Variants in HYDIN observed in about 807,000 individuals in gnomAD.
HYDIN encodes the protein HYDIN axonemal central pair apparatus protein.
In HYDIN, 132 loss-of-function variants were observed where a neutral mutation model predicts 403.9. That is an observed-to-expected ratio of 0.33 (90% CI 0.28 to 0.38). The LOEUF is 0.38. Ranked by LOEUF, HYDIN falls within the 10% of genes least tolerant of loss-of-function variation. The pLI is 1.00. For synonymous variants in HYDIN, 1,202 were observed against 1,891.7 expected (o/e 0.64, Z 9.46); for missense variants, 2,827 against 5,009.5 (o/e 0.56, Z 13.15).
At chr16:71,038,936 G>A (rs2081192383) in intron 18 of HYDIN, among the ~76,000 whole-genome samples, 1 of 152,102 alleles carries the variant, frequency 6.6e-6, no homozygotes, top group South Asian at 2.1e-4. Flanking sequence ...TGGGATTACA[G>A]GCCCTTTCTC....
intron 84 of HYDIN, among the ~76,000 whole-genome samples, chr16:70,816,128 C>T (rs1042445459): frequency 2.0e-5 from 3 of 152,046 alleles, no homozygotes; most frequent in Non-Finnish European, 4.4e-5. Context: ...AAATGGCAAA[C>T]GCATCCTTTT....
chr16:70,930,264 T>G (rs575359878), intron 45 of HYDIN, among the ~76,000 whole-genome samples: 138 of 152,360 alleles, frequency 9.1e-4, no homozygotes, highest in African/African-American at 3.2e-3. Flanking sequence ...GAGGGTCACC[T>G]GAGGTCAGGA....
At chr16:70,961,563 G>A (rs1179319072) in intron 38 of HYDIN, among the ~76,000 whole-genome samples, 2 of 152,168 alleles carry the variant, frequency 1.3e-5, no homozygotes, top group African/African-American at 4.8e-5. Context: ...CCAGAAAATG[G>A]GGCCATAATG....
chr16:71,230,433 G>T, intron 1 of HYDIN, 129 bp downstream of exon 1: 1 of 1,097,666 alleles, frequency 9.1e-7, no homozygotes, highest in Non-Finnish European at 1.2e-6. Context: ...GCTGAGGAGG[G>T]GAGGGGTCTG....
chr16:71,065,567 C>T (rs2082237133), intron 15 of HYDIN, among the ~76,000 whole-genome samples: 1 of 152,200 alleles, frequency 6.6e-6, no homozygotes, highest in Non-Finnish European at 1.5e-5. Context: ...GTGAAGAGTA[C>T]CAGCTTTTGA....
intron 23 of HYDIN, among the ~76,000 whole-genome samples, chr16:71,012,626 G>C (rs1166038209): frequency 1.3e-5 from 2 of 152,206 alleles, no homozygotes; most frequent in African/African-American, 2.4e-5. Flanking sequence ...GAAGGAACAT[G>C]AGAGTGTCTA....
intron 83 of HYDIN, among the ~76,000 whole-genome samples, chr16:70,822,233 T>C (rs113239093): frequency 6.6e-6 from 1 of 152,118 alleles, no homozygotes; most frequent in Non-Finnish European, 1.5e-5. Context: ...CAAACCCTCA[T>C]GTATGCCTTT....
chr16:70,834,993 CACACAT>C (rs1452101427), intron 78 of HYDIN, among the ~76,000 whole-genome samples: 18 of 140,882 alleles, frequency 1.3e-4, no homozygotes, highest in Admixed American at 4.3e-4. Context: ...TATATATATA[CACACAT>C]ATATATATAC....
chr16:70,833,990 C>T lies in HYDIN; in HGVS notation c.13576G>A (p.Glu4526Lys). ...ATATGTTCCTGGTCCAGTGAGATCT[C>T]CAGGGCCTGGCAGCAGCCGCTAAGG... ...FLLSGCCQAL[E>K]ISLDQEHIPF... The change falls in exon 79 of 86, where the codon GAG (glutamate) becomes AAG (lysine). Residue 4526 changes from glutamate to lysine, a missense_variant. Coordinates refer to ENST00000393567, the MANE Select transcript of HYDIN (RefSeq NM_001270974.2). 2 of 1,609,340 alleles carry T rather than the reference C, an allele frequency of 1.2e-6. No homozygotes were observed. The highest frequency in any genetic ancestry group is 1.7e-6 in the Non-Finnish European group (2 of 1,176,744).
intron 10 of HYDIN, among the ~76,000 whole-genome samples, chr16:71,100,137 C>CA (rs1469165792): frequency 1.3e-5 from 2 of 151,926 alleles, no homozygotes; most frequent in Non-Finnish European, 2.9e-5. Context: ...ATAATAGCAA[C>CA]AAAAATATAA....
chr16:71,197,746 C>G (rs917036621), intron 1 of HYDIN, among the ~76,000 whole-genome samples: 3 of 151,806 alleles, frequency 2.0e-5, no homozygotes, highest in African/African-American at 7.3e-5. Context: ...ATTTGATTCT[C>G]TTTGTTTGTT....
intron 13 of HYDIN, among the ~76,000 whole-genome samples, chr16:71,073,209 TCA>T (rs1478651078): frequency 6.6e-6 from 1 of 152,180 alleles, no homozygotes; most frequent in East Asian, 1.9e-4. Context: ...TTACTGATTC[TCA>T]CACTCTCCCT....
rs1372027956 is a variant in HYDIN at position 70,808,037 on chromosome 16, T to A, written c.14909A>T (p.Glu4970Val). 1 of 1,612,952 alleles carries A rather than the reference T, an allele frequency of 6.2e-7. No individual in the cohort carries two copies. Among genetic ancestry groups the A allele is most frequent in the Admixed American group, 1.7e-5 (1 of 59,964 alleles). The change falls in exon 86 of 86, where the codon GAA becomes GTA. Residue 4970 changes from glutamate (E) to valine (V), a missense_variant. Glu to Val is a moderately radical substitution (Grantham distance 121, BLOSUM62 -2). Transcript: ENST00000393567. ...CRTDCTDFHA[E>V]KLINAAPGGQ... ...TCCTGGGGCTGCATTAATGAGTTTT[T>A]CTGCGTGGAAGTCTGTACAGTCGGT...
intron 9 of HYDIN, among the ~76,000 whole-genome samples, chr16:71,122,846 T>C (rs1291696255): frequency 4.1e-5 from 6 of 147,976 alleles, no homozygotes; most frequent in South Asian, 4.4e-4. Context: ...AATGAAGTTT[T>C]CTTTGATCGA....
At chr16:70,843,067 G>C (rs2037942995) in intron 75 of HYDIN, among the ~76,000 whole-genome samples, 1 of 149,368 alleles carries the variant, frequency 6.7e-6, no homozygotes. Flanking sequence ...TATACTTTAT[G>C]TTTTAGGGTA....
intron 52 of HYDIN, among the ~76,000 whole-genome samples, chr16:70,901,608 C>T (rs1242137501): frequency 8.2e-5 from 11 of 134,064 alleles, no homozygotes; most frequent in Admixed American, 3.2e-4. Context: ...TTTTTGGAGA[C>T]GGAGTCTTGC....
intron 19 of HYDIN, among the ~76,000 whole-genome samples, chr16:71,030,435 CTTT>C (rs74603771): frequency 1.9e-4 from 25 of 128,442 alleles, no homozygotes; most frequent in Non-Finnish European, 2.6e-4. Flanking sequence ...TCTTTTCTTT[CTTT>C]TTTTTTTTTT....
rs1220720508 is a variant in HYDIN, at chr16:71,230,547, G to A, written c.-24+15C>T. 3 of 1,528,232 alleles carry A rather than the reference G, an allele frequency of 2.0e-6. No homozygotes were observed. The highest frequency in any genetic ancestry group is 1.2e-5 in the South Asian group (1 of 83,234). The allele number at this position is 1,528,232 out of a possible 1,614,324, so 94.7% of individuals were successfully genotyped here. On this transcript the variant is annotated intron_variant, in intron 1 of 85. Transcript: ENST00000393567. ...CTCACACTTTGACCCCACAATCTCT[G>A]CGAGGACCTCTGACCTTGGTGCACT...
intron 18 of HYDIN, among the ~76,000 whole-genome samples, chr16:71,038,152 T>A (rs2144183416): frequency 6.6e-6 from 1 of 152,402 alleles, no homozygotes; most frequent in East Asian, 1.9e-4. Flanking sequence ...AATATGACTG[T>A]GCGAAAGATG....
Sources: allele counts gnomAD v4.1 joint callset (sites outside exome capture counted in the v4.1 genomes callset), GRCh38; gene constraint gnomAD v4.1.1; transcripts MANE v1.5; gene names NCBI Gene and HGNC (gene_info 2026-07-23, HGNC 2026-07-21).